CRYL1: variants seen among roughly 807,000 people sequenced by gnomAD.
The protein encoded by CRYL1 is crystallin lambda 1.
A neutral mutation model predicts 36.6 loss-of-function variants in CRYL1; 29 were observed. That is an observed-to-expected ratio of 0.79 (90% CI 0.59 to 1.08). CRYL1 has a LOEUF of 1.08. Ranked by LOEUF, CRYL1 falls within the 50% of genes least tolerant of loss-of-function variation. CRYL1 has a pLI of 0.00. For missense variants in CRYL1, 411 were observed against 407.9 expected, an observed-to-expected ratio of 1.01 and a Z score of -0.06; for synonymous variants, 152 against 151.5, an observed-to-expected ratio of 1.00 and a Z score of -0.02.
rs867728216 is a variant in CRYL1 at position 20,474,075 on chromosome 13, T to C, written c.276+15295A>G. Reference sequence around the variant, plus strand: ...GGGACAGACACTGAATAAAAACATCTGGGCACAATGAGAAAGGCATGGGCA... The same window carrying C: ...GGGACAGACACTGAATAAAAACATCCGGGCACAATGAGAAAGGCATGGGCA... On this transcript the variant is annotated intron_variant, in intron 3 of 7. Coordinates refer to ENST00000298248, the MANE Select transcript of CRYL1 (RefSeq NM_015974.3). Among the ~76,000 whole-genome samples, 3 of 152,258 alleles carry C rather than the reference T, an allele frequency of 2.0e-5. 1 individual carries two copies. The South Asian group carries it at 6.2e-4, about 32-fold the overall frequency.
At chr13:20,446,804 T>A (rs1182818156) in intron 3 of CRYL1, among the ~76,000 whole-genome samples, 3 of 152,236 alleles carry the variant, frequency 2.0e-5, no homozygotes, top group African/African-American at 4.8e-5. Flanking sequence ...TTTTTATTAA[T>A]GACTTACCAA....
intron 3 of CRYL1, among the ~76,000 whole-genome samples, chr13:20,444,671 T>C (rs1457875894): frequency 7.9e-5 from 12 of 152,238 alleles, no homozygotes; most frequent in Non-Finnish European, 1.2e-4. Flanking sequence ...AATTATATAG[T>C]TTTACTGCAT....
At chr13:20,483,788 G>A (rs755720069) in intron 3 of CRYL1, among the ~76,000 whole-genome samples, 9 of 152,056 alleles carry the variant, frequency 5.9e-5, no homozygotes, top group African/African-American at 9.6e-5. Context: ...TAATCCACCC[G>A]CTGTGGCCTC....
rs146104592 is a variant in CRYL1, at chr13:20,510,520, A to G, written c.149+1923T>C. 2.8e-3 allele frequency among the ~76,000 whole-genome samples: 426 copies of G among 152,102 alleles called. 17 individuals are homozygous for G. The East Asian group carries it at 0.066, about 24-fold the overall frequency. On this transcript the variant is annotated intron_variant, in intron 2 of 7. Coordinates refer to ENST00000298248, the MANE Select transcript of CRYL1 (RefSeq NM_015974.3). ...GAGGGATGGAAAGGAAGAATTTGAG[A>G]GCAGTGGGATTATTCTGTGTAATAC... is the stretch of plus-strand genomic sequence containing the variant.
At chr13:20,409,061 A>G (rs2031452639) in intron 6 of CRYL1, among the ~76,000 whole-genome samples, 1 of 152,190 alleles carries the variant, frequency 6.6e-6, no homozygotes. Context: ...AAGCCAAAAG[A>G]ACAAAGCTGG....
chr13:20,420,701 T>TTTTTTTTTTTTTTGTGTGTGTGTGTG lies in CRYL1; in HGVS notation c.634-7315_634-7314insCACACACACACACAAAAAAAAAAAAA. Among the ~76,000 whole-genome samples the TTTTTTTTTTTTTTGTGTGTGTGTGTG allele has an allele frequency of 9.2e-5, 2 of 21,840 alleles. 1 individual carries two copies. The highest frequency in any genetic ancestry group is 2.1e-4 in the African/African-American group (2 of 9,476). The allele number at this position is 21,840 out of a possible 152,430, so 14.3% of individuals were successfully genotyped here. A position where few individuals can be genotyped will look rare whatever the true frequency, so the allele number is the denominator to read the frequency against. On this transcript the variant is annotated intron_variant, in intron 5 of 7. Transcript: ENST00000298248. Reference sequence around the variant, plus strand: ...CTTTGACTTTTCTTTAAAATAGAGGTTGTGTGTGTGTGTGTGTGTGTGTGT... The same window carrying TTTTTTTTTTTTTTGTGTGTGTGTGTG: ...CTTTGACTTTTCTTTAAAATAGAGGTTTTTTTTTTTTTTGTGTGTGTGTGTGTGTGTGTGTGTGTGTGTGTGTGTGT...
At chr13:20,488,780 G>A (rs892261111) in intron 3 of CRYL1, among the ~76,000 whole-genome samples, 1 of 152,258 alleles carries the variant, frequency 6.6e-6, no homozygotes, top group Non-Finnish European at 1.5e-5. Flanking sequence ...CTGTGCGTGG[G>A]CACAGGAGCT....
chr13:20,510,431 C>T (rs2033892152), intron 2 of CRYL1, among the ~76,000 whole-genome samples: 1 of 152,044 alleles, frequency 6.6e-6, no homozygotes, highest in South Asian at 2.1e-4. Flanking sequence ...ATATAACATT[C>T]TGGAAAAGGT....
At chr13:20,490,091 G>C (rs1460836924) in intron 2 of CRYL1, among the ~76,000 whole-genome samples, 2 of 152,120 alleles carry the variant, frequency 1.3e-5, no homozygotes, top group African/African-American at 4.8e-5. Flanking sequence ...ATCTAAAGCA[G>C]TCAAAATAAT....
intron 3 of CRYL1, among the ~76,000 whole-genome samples, chr13:20,450,422 C>T (rs989391418): frequency 1.9e-4 from 29 of 152,102 alleles, no homozygotes; most frequent in African/African-American, 6.7e-4. Context: ...TACCTTTCAC[C>T]ATATACAAAA....
rs1421779282 is a variant in CRYL1, at chr13:20,525,185, GGACTGCGTGTATGTTC to G, written c.41+553_41+568del. Among the ~76,000 whole-genome samples the G allele has an allele frequency of 6.6e-6, 1 of 152,104 alleles. No homozygotes were observed. The highest frequency in any genetic ancestry group is 1.9e-4 in the East Asian group (1 of 5,184). On this transcript the variant is annotated intron_variant, in intron 1 of 7. Transcript: ENST00000298248. The surrounding 1 kb of genome is among the most constrained non-coding windows in gnomAD (Gnocchi z 4.3). ...GAAACATCGCCTCGCCCAGGAATTA[GGACTGCGTGTATGTTC>G]GCCTAACACCTGCTGCGGCCTCCAG...
chr13:20,468,651 G>A (rs2032991692), intron 3 of CRYL1, among the ~76,000 whole-genome samples: 1 of 152,058 alleles, frequency 6.6e-6, no homozygotes, highest in African/African-American at 2.4e-5. Context: ...TGTTGCCCAG[G>A]CTGGAGTGCA....
At position 20,432,214 on chromosome 13, in the gene CRYL1, G is replaced by T. The variant is rs1324514478; in HGVS notation, c.521C>A (p.Ala174Asp). 2 of 1,613,862 alleles carry T rather than the reference G, an allele frequency of 1.2e-6. No individual in the cohort carries two copies. The highest frequency in any genetic ancestry group is 1.3e-5 in the African/African-American group (1 of 74,868). Residue 174 changes from alanine to aspartate, a missense_variant, in exon 5 of 8, where the codon GCC (alanine) becomes GAC (aspartate). By Grantham distance (126) the Ala-to-Asp change is moderately radical. Transcript: ENST00000298248. ...TAPTTVDRTH[A>D]LMKKIGQCPM... ...GCACTGTCCAATCTTCTTCATCAGGGCGTGGGTTCTGTCCACTGTCGTAGG... is the reference window on the plus strand; with the variant it reads ...GCACTGTCCAATCTTCTTCATCAGGTCGTGGGTTCTGTCCACTGTCGTAGG...
chr13:20,465,963 C>T (rs1306681273), intron 3 of CRYL1, among the ~76,000 whole-genome samples: 1 of 150,686 alleles, frequency 6.6e-6, no homozygotes, highest in East Asian at 1.9e-4. Context: ...AAAAAAAAAG[C>T]CCATCACCTC....
At chr13:20,431,810 T>C in intron 5 of CRYL1, 1 of 1,325,516 alleles carries the variant, frequency 7.5e-7, no homozygotes, top group Non-Finnish European at 9.7e-7. Flanking sequence ...ACATAGGTTA[T>C]TATGTCTAAT....
At chr13:20,505,233 T>C (rs950812389) in intron 2 of CRYL1, among the ~76,000 whole-genome samples, 2 of 151,936 alleles carry the variant, frequency 1.3e-5, no homozygotes, top group East Asian at 3.9e-4. Context: ...GGCACATGCC[T>C]GTAGTCCCAG....
intron 3 of CRYL1, among the ~76,000 whole-genome samples, chr13:20,462,350 G>T (rs1233188672): frequency 6.6e-6 from 1 of 151,522 alleles, no homozygotes; most frequent in African/African-American, 2.4e-5. Flanking sequence ...AACCAAATCT[G>T]TTGCCTGAAA....
chr13:20,472,204 C>A (rs1427414680), intron 3 of CRYL1, among the ~76,000 whole-genome samples: 2 of 152,050 alleles, frequency 1.3e-5, no homozygotes. Context: ...TTTCATATCA[C>A]CTGTGCACAT....
intron 3 of CRYL1, among the ~76,000 whole-genome samples, chr13:20,460,409 A>G (rs2032783646): frequency 6.6e-6 from 1 of 151,812 alleles, no homozygotes; most frequent in African/African-American, 2.4e-5. Flanking sequence ...ACCAATTTAC[A>G]CTTGCAGGAC....
Sources: allele counts gnomAD v4.1 joint callset (sites outside exome capture counted in the v4.1 genomes callset), GRCh38; gene constraint gnomAD v4.1.1; non-coding constraint Gnocchi (gnomAD v3.1); transcripts MANE v1.5; gene names NCBI Gene and HGNC (gene_info 2026-07-23, HGNC 2026-07-21).